Variants in ADK observed in about 807,000 individuals in gnomAD.
ADK encodes the protein adenosine kinase, also known as N6,N6-dimethyladenosine kinase.
ADK carries 24 observed loss-of-function variants against 44.7 expected under a neutral mutation model. The ratio of observed to expected loss-of-function variants is 0.54; its 90% CI spans 0.39 to 0.76. ADK has a LOEUF of 0.76. Among genes scored for constraint, ADK ranks in the 30% least tolerant of loss-of-function variants. ADK has a pLI of 0.00. For missense variants in ADK, 321 were observed against 425.1 expected (o/e 0.76, Z 2.15); for synonymous variants, 128 against 142.6 (o/e 0.90, Z 0.73).
chr10:74,222,195 G>T (rs1342884943), intron 2 of ADK, among the ~76,000 whole-genome samples: 1 of 152,142 alleles, frequency 6.6e-6, no homozygotes, highest in Non-Finnish European at 1.5e-5. Context: ...CAAAAAGTGG[G>T]TGAAGGACAT....
At chr10:74,586,741 C>G (rs113394684) in intron 7 of ADK, among the ~76,000 whole-genome samples, 4,685 of 151,906 alleles carry the variant, frequency 0.031, 213 homozygotes, top group African/African-American at 0.095. Context: ...GTAGTTCCAG[C>G]TACTCGGGAG....
At chr10:74,217,674 C>A (rs200451027) in intron 2 of ADK, among the ~76,000 whole-genome samples, 1 of 152,320 alleles carries the variant, frequency 6.6e-6, no homozygotes, top group Admixed American at 6.5e-5. Context: ...TGAGACAAAA[C>A]TTCCAGAGGA....
At chr10:74,179,550 A>G (rs1299273383) in intron 1 of ADK, among the ~76,000 whole-genome samples, 1 of 152,176 alleles carries the variant, frequency 6.6e-6, no homozygotes, top group Non-Finnish European at 1.5e-5. Context: ...CACTAATTAT[A>G]ATGTATTAGC....
intron 7 of ADK, among the ~76,000 whole-genome samples, chr10:74,566,191 C>T (rs1850661047): frequency 7.0e-6 from 1 of 143,826 alleles, no homozygotes. Flanking sequence ...TTTTTATTTT[C>T]TCTCTCTCTC....
At chr10:74,176,461 G>A (rs1445957135) in intron 1 of ADK, 1 of 1,096,550 alleles carries the variant, frequency 9.1e-7, no homozygotes, top group African/African-American at 1.7e-5. Context: ...CAGTGGCCAC[G>A]TGACTGCTAA....
intron 3 of ADK, among the ~76,000 whole-genome samples, chr10:74,240,905 C>T (rs1845182910): frequency 6.6e-6 from 1 of 152,150 alleles, no homozygotes; most frequent in African/African-American, 2.4e-5. Context: ...ATATGAAGCA[C>T]TTCTTTTTAT....
chr10:74,249,448 A>C (rs1365254642), intron 3 of ADK, among the ~76,000 whole-genome samples: 1 of 151,960 alleles, frequency 6.6e-6, no homozygotes, highest in African/African-American at 2.4e-5. Context: ...GACTTTCAGA[A>C]AGAAATTGAG....
chr10:74,507,886 C>T (rs1003000296), intron 6 of ADK, among the ~76,000 whole-genome samples: 2 of 152,034 alleles, frequency 1.3e-5, no homozygotes, highest in Non-Finnish European at 2.9e-5. Context: ...AGAATGTGTA[C>T]ATCTGTTAGT....
At chr10:74,621,690 C>T (rs760383992) in intron 9 of ADK, among the ~76,000 whole-genome samples, 19 of 151,816 alleles carry the variant, frequency 1.3e-4, no homozygotes, top group Non-Finnish European at 2.4e-4. Flanking sequence ...TGTTTTTGTT[C>T]GGTTTGGTTT....
At chr10:74,527,520 G>GA in intron 7 of ADK, 1 of 631,240 alleles carries the variant, frequency 1.6e-6, no homozygotes, top group Non-Finnish European at 2.9e-6. Context: ...GGGACCTTTT[G>GA]AAAAAATATA....
chr10:74,220,143 A>G (rs868752114), intron 2 of ADK, among the ~76,000 whole-genome samples: 1 of 152,150 alleles, frequency 6.6e-6, no homozygotes, highest in African/African-American at 2.4e-5. Context: ...AAAGAAAAAA[A>G]GAAAGAAGAA....
intron 6 of ADK, among the ~76,000 whole-genome samples, chr10:74,499,099 TG>T (rs781137660): frequency 1.2e-3 from 181 of 152,336 alleles, no homozygotes; most frequent in Non-Finnish European, 2.8e-4. Flanking sequence ...TCACCCAGGC[TG>T]GATTGCAGTG....
intron 8 of ADK, among the ~76,000 whole-genome samples, chr10:74,595,406 G>GATT (rs1851874574): frequency 9.4e-6 from 1 of 106,270 alleles, no homozygotes; most frequent in Non-Finnish European, 1.8e-5. Context: ...GAGGGGGTTT[G>GATT]GCTTTGTCAC....
At chr10:74,175,242 G>A (rs1234502132) in intron 1 of ADK, among the ~76,000 whole-genome samples, 1 of 151,992 alleles carries the variant, frequency 6.6e-6, no homozygotes, top group Non-Finnish European at 1.5e-5. Context: ...AATTTAGCCA[G>A]GTACGGTGGC....
Position 74,634,875 on chromosome 10 carries a change from G to A in ADK, c.877+34382G>A, listed in dbSNP as rs145142735. Among the ~76,000 whole-genome samples, 1,095 of 152,176 alleles carry A rather than the reference G, an allele frequency of 7.2e-3. 9 individuals are homozygous for A. Among genetic ancestry groups the A allele is most frequent in the Non-Finnish European group, 0.011 (738 of 67,990 alleles). On this transcript the variant is annotated intron_variant, in intron 9 of 10. Coordinates refer to ENST00000539909, the MANE Select transcript of ADK (RefSeq NM_006721.4). The stretch of plus-strand genomic sequence containing the variant: ...CAGGAGAATCACTAGAACCTGGGAG[G>A]TAGAGGTTGCAATGAGCCGAGATAA...
intron 3 of ADK, among the ~76,000 whole-genome samples, chr10:74,301,374 C>T (rs1167782020): frequency 6.6e-6 from 1 of 151,594 alleles, no homozygotes; most frequent in Non-Finnish European, 1.5e-5. Flanking sequence ...ATTAGCTGGG[C>T]GTGGTGGCGT....
At chr10:74,658,684 C>G (rs2134160538) in intron 9 of ADK, among the ~76,000 whole-genome samples, 1 of 152,192 alleles carries the variant, frequency 6.6e-6, no homozygotes, top group African/African-American at 2.4e-5. Flanking sequence ...CTGTCTCAGC[C>G]TCCCAAGGCT....
At chr10:74,562,709 G>A (rs887126879) in intron 7 of ADK, among the ~76,000 whole-genome samples, 16 of 152,072 alleles carry the variant, frequency 1.1e-4, no homozygotes, top group African/African-American at 3.9e-4. Flanking sequence ...ATCAAATCTG[G>A]CACAAAAATA....
intron 8 of ADK, 35 bp from the exon 9 acceptor site, chr10:74,600,344 G>T (rs750956781): frequency 5.8e-6 from 8 of 1,369,404 alleles, no homozygotes; most frequent in South Asian, 2.4e-5. Context: ...TTATTTTATT[G>T]GTCATGAGAA....
Sources: allele counts gnomAD v4.1 joint callset (sites outside exome capture counted in the v4.1 genomes callset), GRCh38; gene constraint gnomAD v4.1.1; transcripts MANE v1.5; gene names NCBI Gene and HGNC (gene_info 2026-07-23, HGNC 2026-07-21).